GABRG3: variants seen among roughly 807,000 people sequenced by gnomAD.
The protein encoded by GABRG3 is gamma-aminobutyric acid type A receptor subunit gamma3.
In GABRG3, 25 loss-of-function variants were observed where a neutral mutation model predicts 48.8. The ratio of observed to expected loss-of-function variants is 0.51; its 90% CI spans 0.37 to 0.72. The LOEUF is 0.72. Ranked by LOEUF, GABRG3 falls within the 30% of genes least tolerant of loss-of-function variation. The probability of loss-of-function intolerance (pLI) is 0.00; values close to 1 mark genes in which losing one functional copy is unlikely to be tolerated. For synonymous variants in GABRG3, 227 were observed against 217.6 expected, an observed-to-expected ratio of 1.04 and a Z score of -0.38; for missense variants, 394 against 577.9, an observed-to-expected ratio of 0.68 and a Z score of 3.26.
In GABRG3 at chr15:27,446,686, ATTG is replaced by A. The variant is rs200959112; in HGVS notation, c.575-33958_575-33956del. On this transcript the variant is annotated intron_variant, in intron 5 of 9. Coordinates refer to ENST00000615808, the MANE Select transcript of GABRG3 (RefSeq NM_033223.5). Reference sequence around the variant, plus strand: ...TTCTTAATTTTATTTTTGGAATGGTATTGTTGTTTATATAAATACAATTTGGGA... The same window carrying A: ...TTCTTAATTTTATTTTTGGAATGGTATTGTTTATATAAATACAATTTGGGA... 9.0e-3 allele frequency among the ~76,000 whole-genome samples: 1,365 copies of A among 152,210 alleles called. 22 individuals carry two copies. Among genetic ancestry groups the A allele is most frequent in the African/African-American group, 0.031 (1,288 of 41,536 alleles).
intron 3 of GABRG3, among the ~76,000 whole-genome samples, chr15:27,251,925 C>T (rs932187818): frequency 2.6e-5 from 4 of 152,204 alleles, no homozygotes; most frequent in African/African-American, 9.6e-5. Flanking sequence ...TGTGGCTCCT[C>T]AGCATAGCTG....
At chr15:27,221,565 C>T (rs558253784) in intron 3 of GABRG3, among the ~76,000 whole-genome samples, 103 of 152,140 alleles carry the variant, frequency 6.8e-4, no homozygotes, top group Non-Finnish European at 1.0e-3. Flanking sequence ...CAGAGAGACC[C>T]GGAGAGTCCC....
chr15:27,262,112 A>G (rs1171583917), intron 3 of GABRG3, among the ~76,000 whole-genome samples: 2 of 152,174 alleles, frequency 1.3e-5, no homozygotes, highest in Non-Finnish European at 2.9e-5. Context: ...AACATCCTGC[A>G]TCTGGGCATC....
At chr15:27,265,237 G>A (rs927388443) in intron 3 of GABRG3, among the ~76,000 whole-genome samples, 1 of 151,810 alleles carries the variant, frequency 6.6e-6, no homozygotes, top group African/African-American at 2.4e-5. Flanking sequence ...CTCTACCTCC[G>A]CTGACCCTAA....
At chr15:27,310,001 A>T (rs1257690607) in intron 3 of GABRG3, among the ~76,000 whole-genome samples, 1 of 152,138 alleles carries the variant, frequency 6.6e-6, no homozygotes, top group African/African-American at 2.4e-5. Context: ...TGAACTTTTA[A>T]TATATGTAAC....
intron 3 of GABRG3, among the ~76,000 whole-genome samples, chr15:27,150,721 A>G (rs1898295333): frequency 6.6e-6 from 1 of 152,220 alleles, no homozygotes; most frequent in African/African-American, 2.4e-5. Context: ...AGTACCTCAC[A>G]CAACTCGTTA....
chr15:27,308,966 CAT>C (rs953269924), intron 3 of GABRG3, among the ~76,000 whole-genome samples: 58 of 149,960 alleles, frequency 3.9e-4, no homozygotes, highest in African/African-American at 1.4e-3. Flanking sequence ...TATGAAAACA[CAT>C]AATGTAAACA....
chr15:27,302,006 T>C (rs979967129), intron 3 of GABRG3, among the ~76,000 whole-genome samples: 3 of 151,958 alleles, frequency 2.0e-5, no homozygotes, highest in Non-Finnish European at 2.9e-5. Flanking sequence ...CAGATGAAGG[T>C]AAACTAGGAA....
chr15:27,308,106 GTTTATACATCCAAACATATATAAA>G lies in GABRG3; in HGVS notation c.271-18702_271-18679del, dbSNP rs1427321542. Among the ~76,000 whole-genome samples, 20 of 127,830 alleles carry G rather than the reference GTTTATACATCCAAACATATATAAA, an allele frequency of 1.6e-4. 9 individuals are homozygous for G. The highest frequency in any genetic ancestry group is 4.8e-4 in the South Asian group (2 of 4,128). 83.9% of individuals were successfully genotyped at this position (127,830 alleles called of 152,430 possible). A position where few individuals can be genotyped will look rare whatever the true frequency, so the allele number is the denominator to read the frequency against. On this transcript the variant is annotated intron_variant, in intron 3 of 9. Transcript: ENST00000615808. Reference sequence around the variant, plus strand: ...CATCCAAACATATATAAACATATATGTTTATACATCCAAACATATATAAACATATATGTTTATACATCCAAACAT... The same window carrying G: ...CATCCAAACATATATAAACATATATGCATATATGTTTATACATCCAAACAT...
At chr15:27,249,519 C>G (rs1196121290) in intron 3 of GABRG3, among the ~76,000 whole-genome samples, 1 of 152,128 alleles carries the variant, frequency 6.6e-6, no homozygotes, top group African/African-American at 2.4e-5. Flanking sequence ...GCAGCTGCCC[C>G]CGGTTACGAC....
intron 3 of GABRG3, among the ~76,000 whole-genome samples, chr15:27,065,434 G>T (rs778246793): frequency 3.9e-5 from 6 of 152,132 alleles, no homozygotes; most frequent in Non-Finnish European, 8.8e-5. Context: ...TTCCCTGGTT[G>T]GTCGGATGTT....
intron 3 of GABRG3, among the ~76,000 whole-genome samples, chr15:27,265,957 T>C (rs2168148): frequency 0.6 from 89,247 of 148,558 alleles, 27,437 homozygotes; most frequent in Non-Finnish European, 0.65. Context: ...CTCGGCTCAC[T>C]GCAACATCCA....
chr15:27,230,873 A>G (rs999267264), intron 3 of GABRG3, among the ~76,000 whole-genome samples: 6 of 152,344 alleles, frequency 3.9e-5, no homozygotes, highest in East Asian at 3.9e-4. Flanking sequence ...GTAGTGTGTC[A>G]TTAAGAACTG....
chr15:27,493,226 T>C (rs1270659611), intron 6 of GABRG3, among the ~76,000 whole-genome samples: 1 of 152,196 alleles, frequency 6.6e-6, no homozygotes, highest in African/African-American at 2.4e-5. Flanking sequence ...TGTTTTAACA[T>C]GAGACATACT....
chr15:27,504,112 A>C (rs543103344), intron 6 of GABRG3, among the ~76,000 whole-genome samples: 1 of 152,200 alleles, frequency 6.6e-6, no homozygotes, highest in East Asian at 1.9e-4. Flanking sequence ...TCTTGCTTAT[A>C]TATCCAAATT....
At chr15:26,984,888 C>T (rs1164587731) in intron 2 of GABRG3, among the ~76,000 whole-genome samples, 1 of 152,198 alleles carries the variant, frequency 6.6e-6, no homozygotes, top group Non-Finnish European at 1.5e-5. Flanking sequence ...AGTGAATAGA[C>T]ACTCTGTGGA....
At chr15:27,483,587 G>A (rs1002745683) in intron 6 of GABRG3, among the ~76,000 whole-genome samples, 1 of 152,322 alleles carries the variant, frequency 6.6e-6, no homozygotes, top group African/African-American at 2.4e-5. Context: ...ACTGGGAAAT[G>A]AGGCGTTCCC....
chr15:27,313,743 A>G (rs1236847252), intron 3 of GABRG3, among the ~76,000 whole-genome samples: 1 of 152,114 alleles, frequency 6.6e-6, no homozygotes, highest in Non-Finnish European at 1.5e-5. Context: ...CAAAGAAGAA[A>G]TCAAAAAGTA....
In GABRG3 at chr15:27,250,853, G is replaced by A. The variant is rs183370169; in HGVS notation, c.271-75956G>A. On this transcript the variant is annotated intron_variant, in intron 3 of 9. Coordinates refer to ENST00000615808, the MANE Select transcript of GABRG3 (RefSeq NM_033223.5). Reference sequence around the variant, plus strand: ...GCCACCAGGGTGGCAAGGAGAGGACGTGGACGGCAGCTGCTCCTCCTGGGC... The same window carrying A: ...GCCACCAGGGTGGCAAGGAGAGGACATGGACGGCAGCTGCTCCTCCTGGGC... Among the ~76,000 whole-genome samples the A allele has an allele frequency of 2.6e-4, 39 of 151,622 alleles. No individual in the cohort carries two copies. The East Asian group carries it at 5.4e-3, about 21-fold the overall frequency.
Sources: gnomAD v4.1 joint callset for allele counts (sites outside exome capture counted in the v4.1 genomes callset) on GRCh38, gnomAD v4.1.1 for gene constraint, MANE v1.5 for transcripts, NCBI Gene and HGNC (gene_info 2026-07-23, HGNC 2026-07-21) for gene names.